MYO9A: variants seen among roughly 807,000 people sequenced by gnomAD.
The protein encoded by MYO9A is myosin IXA.
MYO9A carries 103 observed loss-of-function variants against 293.3 expected under a neutral mutation model. The observed-to-expected ratio is 0.35, with a 90% CI of 0.30 to 0.41. The LOEUF (loss-of-function observed/expected upper bound fraction) is 0.41. Ranked by LOEUF, MYO9A falls within the 10% of genes least tolerant of loss-of-function variation. MYO9A has a pLI of 1.00. For missense variants in MYO9A, 2,685 were observed against 3,033.0 expected (o/e 0.89, Z 2.69); for synonymous variants, 1,001 against 1,035.7 (o/e 0.97, Z 0.64).
At chr15:72,092,239 A>C (rs2079937607) in intron 1 of MYO9A, among the ~76,000 whole-genome samples, 1 of 152,180 alleles carries the variant, frequency 6.6e-6, no homozygotes, top group African/African-American at 2.4e-5. Context: ...CCTATACCAT[A>C]TGGCTGGAAC....
intron 1 of MYO9A, among the ~76,000 whole-genome samples, chr15:72,069,055 G>T (rs1218565239): frequency 6.6e-6 from 1 of 152,254 alleles, no homozygotes; most frequent in Non-Finnish European, 1.5e-5. Context: ...TAGAATCTGG[G>T]AGCTAAACCA....
chr15:72,022,780 G>A (rs928543364), intron 4 of MYO9A, among the ~76,000 whole-genome samples: 10 of 151,914 alleles, frequency 6.6e-5, no homozygotes, highest in East Asian at 1.9e-4. Context: ...ACTCGTGGGG[G>A]CTCAGGTGAT....
intron 1 of MYO9A, among the ~76,000 whole-genome samples, chr15:72,067,029 T>C (rs564586334): frequency 6.7e-6 from 1 of 148,904 alleles, no homozygotes; most frequent in Non-Finnish European, 1.5e-5. Context: ...TTACAATATA[T>C]AATCATATAT....
chr15:72,103,024 C>G (rs2080412245), intron 1 of MYO9A, among the ~76,000 whole-genome samples: 1 of 131,470 alleles, frequency 7.6e-6, no homozygotes, highest in Non-Finnish European at 1.6e-5. Context: ...CTCTGTCACC[C>G]AGGCTGGAGT....
chr15:71,855,567 T>C (rs2055832898), intron 34 of MYO9A, among the ~76,000 whole-genome samples: 2 of 152,178 alleles, frequency 1.3e-5, no homozygotes, highest in Admixed American at 1.3e-4. Context: ...AGACTGAAAA[T>C]TGTTTTGCAA....
Position 72,054,899 on chromosome 15 carries a change from G to GA in MYO9A, c.-71-8266dup, listed in dbSNP as rs1041876669. The stretch of plus-strand genomic sequence containing the variant: ...AGGTGGACAGATGTCTCTCAGAAAG[G>GA]AAAAAAAAAGGACACTTTTACTGAA... On this transcript the variant is annotated intron_variant, in intron 1 of 41. Transcript: ENST00000356056. Among the ~76,000 whole-genome samples the GA allele has an allele frequency of 1.1e-4, 16 of 142,372 alleles. No individual in the cohort carries two copies. In the East Asian group the frequency reaches 1.2e-3, roughly 11 times the overall value. 93.4% of individuals were successfully genotyped at this position (142,372 alleles called of 152,430 possible). A position where few individuals can be genotyped will look rare whatever the true frequency, so the allele number is the denominator to read the frequency against.
At chr15:71,962,397 T>G (rs2075768690) in intron 13 of MYO9A, among the ~76,000 whole-genome samples, 1 of 152,190 alleles carries the variant, frequency 6.6e-6, no homozygotes. Context: ...CCTTTCCTAA[T>G]TCTTCTTTAT....
chr15:71,883,068 C>T (rs896287553), intron 28 of MYO9A, among the ~76,000 whole-genome samples: 4 of 152,000 alleles, frequency 2.6e-5, no homozygotes, highest in African/African-American at 9.7e-5. Flanking sequence ...CCTCCCAAAG[C>T]GCTGGGATTA....
At chr15:72,039,454 T>G (rs1349055285) in intron 2 of MYO9A, among the ~76,000 whole-genome samples, 5 of 151,910 alleles carry the variant, frequency 3.3e-5, no homozygotes, top group African/African-American at 1.2e-4. Context: ...ATATTTATAA[T>G]AAAATAATTA....
chr15:71,854,508 T>A lies in MYO9A; in HGVS notation c.6215A>T (p.Asp2072Val), dbSNP rs904969287. 6.2e-7 allele frequency: 1 copy of A among 1,613,294 alleles called. No individual in the cohort carries two copies. The highest frequency in any genetic ancestry group is 1.3e-5 in the African/African-American group (1 of 74,902). ...TTCCACTACTAAAGGAACAGTTCGG[T>A]CTTCACTGGTCAAACGGGACAGTTC... is the stretch of plus-strand genomic sequence containing the variant. ...GVELSRLTSE[D>V]RTVPLVVEKL... Residue 2072 changes from aspartate (D) to valine (V), a missense_variant, in exon 35 of 42, where the codon GAC becomes GTC. Coordinates refer to ENST00000356056, the MANE Select transcript of MYO9A (RefSeq NM_006901.4).
At chr15:71,841,530 G>A (rs1336079101) in intron 39 of MYO9A, among the ~76,000 whole-genome samples, 1 of 152,148 alleles carries the variant, frequency 6.6e-6, no homozygotes, top group African/African-American at 2.4e-5. Context: ...TCCTAACATA[G>A]AGTCATCCTT....
At chr15:71,942,524 ATTTT>A (rs1352044135) in intron 15 of MYO9A, among the ~76,000 whole-genome samples, 1 of 151,816 alleles carries the variant, frequency 6.6e-6, no homozygotes, top group Non-Finnish European at 1.5e-5. Flanking sequence ...CTTAGTTTAT[ATTTT>A]TTTATTTACC....
At chr15:71,863,873 G>A (rs2056233697) in intron 32 of MYO9A, among the ~76,000 whole-genome samples, 1 of 152,068 alleles carries the variant, frequency 6.6e-6, no homozygotes, top group African/African-American at 2.4e-5. Flanking sequence ...CTTTCAGATA[G>A]TAATACGGCA....
In MYO9A at chr15:72,067,880, T is replaced by C. The variant is rs891607522; in HGVS notation, c.-71-21246A>G. ...CATTCTATTAAAAATCTTTTAAGGC[T>C]ATAAAAAAAAATTCATATTGTTTTA... is the stretch of plus-strand genomic sequence containing the variant. On this transcript the variant is annotated intron_variant, in intron 1 of 41. Coordinates refer to ENST00000356056, the MANE Select transcript of MYO9A (RefSeq NM_006901.4). Among the ~76,000 whole-genome samples the C allele has an allele frequency of 6.6e-5, 10 of 152,234 alleles. No individual in the cohort carries two copies. In the East Asian group the frequency reaches 1.2e-3, roughly 18 times the overall value.
intron 16 of MYO9A, among the ~76,000 whole-genome samples, chr15:71,935,971 T>C (rs1037476629): frequency 2.0e-5 from 3 of 151,354 alleles, no homozygotes; most frequent in Non-Finnish European, 4.4e-5. Context: ...CCTATGAGAC[T>C]CTAAACATTG....
intron 1 of MYO9A, among the ~76,000 whole-genome samples, chr15:72,069,955 T>C (rs550745591): frequency 6.9e-6 from 1 of 145,742 alleles, no homozygotes; most frequent in Admixed American, 6.8e-5. Flanking sequence ...CTGTCTCCAC[T>C]AAAAATACAA....
chr15:71,893,066 C>T (rs749296075), intron 26 of MYO9A: 3 of 1,289,832 alleles, frequency 2.3e-6, no homozygotes, highest in Non-Finnish European at 3.0e-6. Flanking sequence ...ATAATGTCAT[C>T]GTAATCATCT....
chr15:71,903,784 C>A (rs1041763144), intron 21 of MYO9A, 145 bp downstream of exon 21: 5 of 671,828 alleles, frequency 7.4e-6, no homozygotes, highest in Middle Eastern at 3.5e-4. Flanking sequence ...TACTGTCTAT[C>A]CCTTTTCAAT....
At chr15:71,906,929 ATTTT>A (rs549566572) in intron 19 of MYO9A, among the ~76,000 whole-genome samples, 1 of 137,602 alleles carries the variant, frequency 7.3e-6, no homozygotes, top group Non-Finnish European at 1.6e-5. Flanking sequence ...CACCCGGCTA[ATTTT>A]TTTTTTCTTT....
Sources: allele counts gnomAD v4.1 joint callset (sites outside exome capture counted in the v4.1 genomes callset), GRCh38; gene constraint gnomAD v4.1.1; transcripts MANE v1.5; gene names NCBI Gene and HGNC (gene_info 2026-07-23, HGNC 2026-07-21).